G2E3: variants seen among roughly 807,000 people sequenced by gnomAD.
G2E3 encodes G2/M-phase specific E3 ubiquitin protein ligase, also known as G2/M phase-specific E3 ubiquitin-protein ligase.
Under a neutral mutation model 92.8 loss-of-function variants are expected in G2E3, and 35 were observed. The observed-to-expected ratio is 0.38, with a 90% confidence interval of 0.29 to 0.50. The LOEUF is 0.50. G2E3 is among the 20% of genes least tolerant of loss of function. The pLI, the probability that G2E3 is intolerant of heterozygous loss-of-function variation, is 0.94. For synonymous variants in G2E3, 242 were observed against 272.4 expected, an observed-to-expected ratio of 0.89 and a Z score of 1.10; for missense variants, 554 against 823.8, an observed-to-expected ratio of 0.67 and a Z score of 4.01.
In G2E3 at chr14:30,607,945, A is replaced by G. The variant is rs1420509203; in HGVS notation, c.1376A>G (p.His459Arg). The change falls in exon 12 of 15, where the codon CAC becomes CGC. Residue 459 changes from histidine (H) to arginine (R), a missense_variant. Around this residue, in one of 3 missense-constraint regions of G2E3, gnomAD observed 397 missense variants for 560.3 expected, o/e 0.71. Transcript: ENST00000206595. ...AAAATGCTTGCCATTTCTTTAGTTC[A>G]CGGTGGTCCTTCACCTGGTTTCTTT... Reference protein sequence around the residue: ...AGKMLAISLVHGGPSPGFFSK... With the variant: ...AGKMLAISLVRGGPSPGFFSK... The G allele has an allele frequency of 6.2e-7, 1 of 1,609,590 alleles. No homozygotes were observed. Among genetic ancestry groups the G allele is most frequent in the East Asian group, 2.2e-5 (1 of 44,688 alleles).
chr14:30,590,372 A>G lies in G2E3; in HGVS notation c.237+888A>G, dbSNP rs960202495. ...TCTTGAGGTGGAGGAGTGACTAGGA[A>G]GTTAGCAGATAACAGAAGGGTAAAT... On this transcript the variant is annotated intron_variant, in intron 4 of 14. Coordinates refer to ENST00000206595, the MANE Select transcript of G2E3 (RefSeq NM_017769.5). Among the ~76,000 whole-genome samples the G allele has an allele frequency of 3.9e-5, 6 of 152,304 alleles. No homozygotes were observed. The East Asian group carries it at 1.2e-3, about 29-fold the overall frequency.
chr14:30,572,022 C>T (rs2138787148), intron 1 of G2E3, among the ~76,000 whole-genome samples: 1 of 150,972 alleles, frequency 6.6e-6, no homozygotes, highest in Admixed American at 6.6e-5. Flanking sequence ...CGCCCATGAG[C>T]ATTGTCTATC....
At chr14:30,592,195 C>A in intron 4 of G2E3, 128 bp from the exon 5 acceptor site, 1 of 785,752 alleles carries the variant, frequency 1.3e-6, no homozygotes, top group South Asian at 1.7e-5. Flanking sequence ...TTAATATACC[C>A]TTACCACAGC....
At chr14:30,602,953 A>G (rs920850949) in intron 10 of G2E3, 3 of 152,126 alleles carry the variant, frequency 2.0e-5, no homozygotes, top group East Asian at 1.9e-4. Context: ...TTTACTGTCA[A>G]TGGCAGGAGT....
At chr14:30,591,294 C>T (rs1373215642) in intron 4 of G2E3, among the ~76,000 whole-genome samples, 1 of 152,032 alleles carries the variant, frequency 6.6e-6, no homozygotes, top group African/African-American at 2.4e-5. Flanking sequence ...ATTTTAATTG[C>T]CGTCTTAAGG....
chr14:30,594,358 T>C (rs1284260321), intron 6 of G2E3, among the ~76,000 whole-genome samples: 1 of 152,204 alleles, frequency 6.6e-6, no homozygotes, highest in Non-Finnish European at 1.5e-5. Context: ...AAATGAAAGG[T>C]TATTATTACT....
At chr14:30,600,111 T>C (rs922623775) in intron 8 of G2E3, among the ~76,000 whole-genome samples, 9 of 152,194 alleles carry the variant, frequency 5.9e-5, no homozygotes, top group Non-Finnish European at 1.2e-4. Context: ...TTCAATAATT[T>C]GTTATCACTG....
At chr14:30,613,936 G>T (rs982861185) in intron 13 of G2E3, among the ~76,000 whole-genome samples, 2 of 151,944 alleles carry the variant, frequency 1.3e-5, no homozygotes, top group Admixed American at 6.6e-5. Context: ...TCAAATTGTT[G>T]TGCTTATAAG....
rs1882470800 is a variant in G2E3, at chr14:30,619,593, A to G, written c.*3059A>G. The G allele has an allele frequency of 6.6e-6, 1 of 152,144 alleles. No homozygotes were observed. Among genetic ancestry groups the G allele is most frequent in the South Asian group, 2.1e-4 (1 of 4,832 alleles). 9.4% of individuals were successfully genotyped at this position (152,144 alleles called of 1,614,324 possible). A position where few individuals can be genotyped will look rare whatever the true frequency, so the allele number is the denominator to read the frequency against. ...TTAATGATGAATTACTTGAATGTAT[A>G]TTATCTGTGGTTTAGGAAAATTTGG... On this transcript the variant is annotated 3_prime_UTR_variant, in exon 15 of 15. Transcript: ENST00000206595.
At chr14:30,576,088 T>C (rs1354421363) in intron 1 of G2E3, among the ~76,000 whole-genome samples, 1 of 152,126 alleles carries the variant, frequency 6.6e-6, no homozygotes, top group Admixed American at 6.5e-5. Context: ...AGAACAAAGC[T>C]GGAGGCATCA....
intron 2 of G2E3, among the ~76,000 whole-genome samples, chr14:30,583,843 T>A (rs1220573643): frequency 2.6e-5 from 4 of 152,226 alleles, no homozygotes; most frequent in Non-Finnish European, 5.9e-5. Flanking sequence ...TATTTTTGTG[T>A]GTGTTGGGAG....
chr14:30,563,339 T>C (rs1879229314), intron 1 of G2E3, among the ~76,000 whole-genome samples: 1 of 152,290 alleles, frequency 6.6e-6, no homozygotes, highest in East Asian at 1.9e-4. Flanking sequence ...GACATCATTC[T>C]CATGACCAGT....
chr14:30,606,373 T>C (rs1881832180), intron 11 of G2E3, among the ~76,000 whole-genome samples: 1 of 152,094 alleles, frequency 6.6e-6, no homozygotes, highest in Non-Finnish European at 1.5e-5. Context: ...TATACTACTT[T>C]TGCTGTAATA....
At position 30,619,238 on chromosome 14, in the gene G2E3, A is replaced by C. The variant is rs371414775; in HGVS notation, c.*2704A>C. 6.6e-6 allele frequency: 1 copy of C among 152,082 alleles called. No homozygotes were observed. The highest frequency in any genetic ancestry group is 1.9e-4 in the East Asian group (1 of 5,194). 9.4% of individuals were successfully genotyped at this position (152,082 alleles called of 1,614,324 possible). A position where few individuals can be genotyped will look rare whatever the true frequency, so the allele number is the denominator to read the frequency against. ...AAGCCTTTGATTGATTACCAGCATG[A>C]GAATTCACCTTGGTTTCTATTTTAT... is the stretch of plus-strand genomic sequence containing the variant. On this transcript the variant is annotated 3_prime_UTR_variant, in exon 15 of 15. Transcript: ENST00000206595.
At position 30,618,576 on chromosome 14, in the gene G2E3, A is replaced by T. The variant is rs555774934; in HGVS notation, c.*2042A>T. The T allele has an allele frequency of 6.6e-6, 1 of 152,064 alleles. No individual in the cohort carries two copies. The highest frequency in any genetic ancestry group is 1.5e-5 in the Non-Finnish European group (1 of 67,942). 9.4% of individuals were successfully genotyped at this position (152,064 alleles called of 1,614,324 possible). On this transcript the variant is annotated 3_prime_UTR_variant, in exon 15 of 15. Transcript: ENST00000206595. ...AGCTACAATTAAAAACAGTATTTCA[A>T]TTCCTCATTTGACTTATTTTATATA...
intron 10 of G2E3, 143 bp from the exon 11 acceptor site, chr14:30,605,362 T>C (rs1393194197): frequency 2.2e-6 from 1 of 444,578 alleles, no homozygotes; most frequent in Non-Finnish European, 4.0e-6. Context: ...TAGCAGCCAT[T>C]GTTACAATTT....
At chr14:30,599,395 T>C (rs1396016054) in intron 8 of G2E3, among the ~76,000 whole-genome samples, 2 of 152,094 alleles carry the variant, frequency 1.3e-5, no homozygotes, top group African/African-American at 4.8e-5. Flanking sequence ...GCCTGGCTAA[T>C]TTTTGTATTT....
At chr14:30,580,299 C>T (rs568887419) in intron 1 of G2E3, among the ~76,000 whole-genome samples, 2 of 152,236 alleles carry the variant, frequency 1.3e-5, no homozygotes, top group South Asian at 2.1e-4. Context: ...CTCCACCTCC[C>T]GAGTTCAAGC....
rs1219790764 is a variant in G2E3 at position 30,618,020 on chromosome 14, G to A, written c.*1486G>A. ...GCTGTTGTATTCTCACCCTTCTTAA[G>A]AAAAATCATTACATTATTGATATTT... On this transcript the variant is annotated 3_prime_UTR_variant, in exon 15 of 15. Coordinates refer to ENST00000206595, the MANE Select transcript of G2E3 (RefSeq NM_017769.5). 3.9e-5 allele frequency: 6 copies of A among 152,052 alleles called. No homozygotes were observed. The East Asian group carries it at 1.2e-3, about 29-fold the overall frequency. 9.4% of individuals were successfully genotyped at this position (152,052 alleles called of 1,614,324 possible).
Sources: allele counts gnomAD v4.1 joint callset (sites outside exome capture counted in the v4.1 genomes callset), GRCh38; gene constraint gnomAD v4.1.1; regional missense constraint gnomAD v4.1.1; transcripts MANE v1.5; gene names NCBI Gene and HGNC (gene_info 2026-07-23, HGNC 2026-07-21).